LINGO2: variants seen among roughly 807,000 people sequenced by gnomAD.
LINGO2 encodes leucine rich repeat and Ig domain containing 2, also known as leucine-rich repeat and immunoglobulin-like domain-containing nogo receptor-interacting protein 2.
LINGO2 carries 14 observed loss-of-function variants against 30.6 expected under a neutral mutation model. The ratio of observed to expected loss-of-function variants is 0.46; its 90% CI spans 0.30 to 0.72. The LOEUF is 0.72. Ranked by LOEUF, LINGO2 falls within the 30% of genes least tolerant of loss-of-function variation. LINGO2 has a pLI of 0.07. For synonymous variants in LINGO2, 317 were observed against 288.5 expected (o/e 1.10, Z -1.00); for missense variants, 729 against 751.7 (o/e 0.97, Z 0.35).
rs190020355 is a variant in LINGO2 at position 28,614,332 on chromosome 9, A to T, written c.-365+55868T>A. ...GTGTGCTATGTATATATAAATCAAT[A>T]GGCTTTTCATTAGTGAAAATAACGA... is the stretch of plus-strand genomic sequence containing the variant. On this transcript the variant is annotated intron_variant, in intron 1 of 5. Coordinates refer to ENST00000379992, the Ensembl canonical transcript of LINGO2. 5.9e-5 allele frequency among the ~76,000 whole-genome samples: 9 copies of T among 152,326 alleles called. No individual in the cohort carries two copies. The East Asian group carries it at 1.7e-3, about 29-fold the overall frequency.
chr9:28,036,924 G>A (rs1387131443), intron 4 of LINGO2, among the ~76,000 whole-genome samples: 1 of 152,148 alleles, frequency 6.6e-6, no homozygotes, highest in Non-Finnish European at 1.5e-5. Context: ...AAAAATAGAA[G>A]GTTCTCAGAC....
chr9:29,046,137 T>C, the LINGO2 span, among the ~76,000 whole-genome samples: 1 of 152,172 alleles, frequency 6.6e-6, no homozygotes, highest in African/African-American at 2.4e-5. Flanking sequence ...TTCTCTTGCC[T>C]GATTGCTCTG....
chr9:28,278,037 A>G (rs1270597154), intron 4 of LINGO2, among the ~76,000 whole-genome samples: 4 of 152,174 alleles, frequency 2.6e-5, no homozygotes, highest in Non-Finnish European at 5.9e-5. Flanking sequence ...AAACAGACTT[A>G]TTGTTGATAT....
the LINGO2 span, among the ~76,000 whole-genome samples, chr9:28,752,080 T>C: frequency 6.6e-6 from 1 of 152,048 alleles, no homozygotes; most frequent in Non-Finnish European, 1.5e-5. Flanking sequence ...TGGCCAGATA[T>C]ACTTAATAAA....
chr9:28,032,206 A>G (rs202227621), intron 4 of LINGO2, among the ~76,000 whole-genome samples: 4,362 of 141,796 alleles, frequency 0.031, 103 homozygotes, highest in East Asian at 0.092. Flanking sequence ...TTCAAGTCTT[A>G]AAAAAAAAAT....
intron 3 of LINGO2, among the ~76,000 whole-genome samples, chr9:28,371,648 C>CA (rs767036860): frequency 9.9e-5 from 15 of 152,172 alleles, no homozygotes; most frequent in Non-Finnish European, 1.9e-4. Flanking sequence ...CAGGGCTACG[C>CA]TGTACCTTTA....
the LINGO2 span, among the ~76,000 whole-genome samples, chr9:28,724,474 C>T: frequency 6.6e-6 from 1 of 152,120 alleles, no homozygotes; most frequent in African/African-American, 2.4e-5. Flanking sequence ...GCAAGACAAA[C>T]CTCTGAACTG....
chr9:28,301,102 T>C (rs895593127), intron 3 of LINGO2, among the ~76,000 whole-genome samples: 3 of 152,144 alleles, frequency 2.0e-5, no homozygotes, highest in African/African-American at 7.2e-5. Flanking sequence ...ATCTCTTAAA[T>C]GTAAATATAG....
the LINGO2 span, among the ~76,000 whole-genome samples, chr9:29,187,783 T>A: frequency 9.1e-5 from 13 of 142,970 alleles, no homozygotes; most frequent in African/African-American, 3.0e-4. Context: ...CATTTCAATT[T>A]TTTTTTTTTT....
At chr9:29,192,614 T>G in the LINGO2 span, among the ~76,000 whole-genome samples, 2 of 152,324 alleles carry the variant, frequency 1.3e-5, no homozygotes, top group African/African-American at 4.8e-5. Flanking sequence ...TAACATTTGA[T>G]AAACATCTCT....
intron 1 of LINGO2, among the ~76,000 whole-genome samples, chr9:28,576,246 C>T (rs953974147): frequency 3.9e-5 from 6 of 152,124 alleles, no homozygotes; most frequent in Admixed American, 3.3e-4. Flanking sequence ...TTGCTAATGC[C>T]GCACAGCATC....
intron 1 of LINGO2, chr9:28,598,564 G>A (rs1433183801): frequency 6.6e-6 from 1 of 152,300 alleles, no homozygotes; most frequent in Non-Finnish European, 1.5e-5. Flanking sequence ...AACACAGCAG[G>A]GAGGTTGGGT....
intron 2 of LINGO2, among the ~76,000 whole-genome samples, chr9:28,407,804 T>C (rs915657439): frequency 6.6e-6 from 1 of 152,198 alleles, no homozygotes; most frequent in Non-Finnish European, 1.5e-5. Flanking sequence ...CAAATAAGTC[T>C]GTATCTCAGT....
chr9:28,782,885 C>T, the LINGO2 span, among the ~76,000 whole-genome samples: 5 of 152,268 alleles, frequency 3.3e-5, no homozygotes, highest in Non-Finnish European at 5.9e-5. Flanking sequence ...CCTAAGATGG[C>T]GCAGCCCCAC....
chr9:28,959,915 C>T, the LINGO2 span, among the ~76,000 whole-genome samples: 6 of 152,100 alleles, frequency 3.9e-5, no homozygotes, highest in Non-Finnish European at 8.8e-5. Flanking sequence ...ATATAGTGTA[C>T]ATCTCAAAGA....
intron 2 of LINGO2, among the ~76,000 whole-genome samples, chr9:28,405,426 T>C (rs1403447260): frequency 6.6e-6 from 1 of 152,134 alleles, no homozygotes; most frequent in Non-Finnish European, 1.5e-5. Context: ...GCCCATCGCC[T>C]CTAGTTAGAG....
intron 4 of LINGO2, among the ~76,000 whole-genome samples, chr9:28,270,486 C>T (rs1032055145): frequency 5.9e-5 from 9 of 151,992 alleles, no homozygotes; most frequent in African/African-American, 1.7e-4. Context: ...ATCCCCAATG[C>T]GACCACCAGG....
At chr9:28,172,034 C>CA (rs11421803) in intron 4 of LINGO2, among the ~76,000 whole-genome samples, 22,559 of 98,522 alleles carry the variant, frequency 0.23, 3,624 homozygotes, top group African/African-American at 0.24. Context: ...AAAAAAAAAA[C>CA]AAAAAAAAAA....
intron 3 of LINGO2, among the ~76,000 whole-genome samples, chr9:28,342,897 C>T (rs758777271): frequency 1.3e-5 from 2 of 152,092 alleles, no homozygotes; most frequent in African/African-American, 4.8e-5. Context: ...GAATTGGTCT[C>T]GCTGTTCCTG....
Sources: allele counts gnomAD v4.1 joint callset (sites outside exome capture counted in the v4.1 genomes callset), GRCh38; gene constraint gnomAD v4.1.1; transcripts MANE v1.5; gene names NCBI Gene and HGNC (gene_info 2026-07-23, HGNC 2026-07-21).